Variants in LDHAL6A observed in about 807,000 individuals in gnomAD.
The protein encoded by LDHAL6A is lactate dehydrogenase A like 6A, also known as L-lactate dehydrogenase A-like 6A.
A neutral mutation model predicts 28.2 loss-of-function variants in LDHAL6A; 19 were observed. The observed-to-expected ratio is 0.67, with a 90% CI of 0.47 to 0.99. The LOEUF (loss-of-function observed/expected upper bound fraction) is 0.99, where lower values mean the gene tolerates loss of function less well. Ranked by LOEUF, LDHAL6A falls within the 50% of genes least tolerant of loss-of-function variation. The pLI, the probability that LDHAL6A is intolerant of heterozygous loss-of-function variation, is 0.00. For synonymous variants in LDHAL6A, 144 were observed against 134.4 expected (o/e 1.07, Z -0.49); for missense variants, 372 against 398.6 (o/e 0.93, Z 0.57).
chr11:18,476,525 C>A, intron 5 of LDHAL6A, 24 bp downstream of exon 5: 1 of 1,610,686 alleles, frequency 6.2e-7, no homozygotes. Context: ...TTCACATTTT[C>A]AGTACCTTAG....
At chr11:18,469,171 T>C (rs1849197549) in intron 3 of LDHAL6A, 1 of 631,534 alleles carries the variant, frequency 1.6e-6, no homozygotes, top group African/African-American at 1.9e-5. Context: ...TGAAGGCACC[T>C]GGTGGAGCTC....
At chr11:18,463,016 T>C (rs1177088183) in intron 1 of LDHAL6A, among the ~76,000 whole-genome samples, 3 of 151,998 alleles carry the variant, frequency 2.0e-5, no homozygotes, top group Non-Finnish European at 2.9e-5. Context: ...AGTAGCATCA[T>C]AGAAATTATA....
intron 5 of LDHAL6A, 79 bp downstream of exon 5, chr11:18,476,580 T>TAA (rs977908943): frequency 1.3e-6 from 2 of 1,525,684 alleles, no homozygotes; most frequent in Non-Finnish European, 1.8e-6. Context: ...ATTAGTCCCT[T>TAA]AAATATATGT....
chr11:18,464,109 T>G (rs1274813630), intron 2 of LDHAL6A, 31 bp downstream of exon 2: 18 of 1,336,232 alleles, frequency 1.3e-5, no homozygotes, highest in Non-Finnish European at 1.9e-5. Flanking sequence ...CTATAAATAT[T>G]CTAATATACA....
At chr11:18,474,210 C>T (rs1259451512) in intron 3 of LDHAL6A, among the ~76,000 whole-genome samples, 1 of 151,390 alleles carries the variant, frequency 6.6e-6, no homozygotes, top group Non-Finnish European at 1.5e-5. Flanking sequence ...TCCCAAGTAG[C>T]TGGGATTACA....
intron 3 of LDHAL6A, among the ~76,000 whole-genome samples, chr11:18,467,843 G>A: frequency 7.8e-6 from 1 of 127,854 alleles, no homozygotes; most frequent in Non-Finnish European, 1.6e-5. Flanking sequence ...GGGCAACAGG[G>A]CAAGACTGTC....
In LDHAL6A at chr11:18,479,573, T is replaced by A. The variant is rs977540786; in HGVS notation, c.*703T>A. The A allele has an allele frequency of 6.6e-6, 1 of 152,074 alleles. No individual in the cohort carries two copies. Among genetic ancestry groups the A allele is most frequent in the Non-Finnish European group, 1.5e-5 (1 of 68,026 alleles). The allele number at this position is 152,074 out of a possible 1,614,324, so 9.4% of individuals were successfully genotyped here. On this transcript the variant is annotated 3_prime_UTR_variant, in exon 7 of 7. Transcript: ENST00000280706. ...CACACACAGAGAGTAATCTAAATGT[T>A]CCTAACACTAGATAAAACATTGATT... is the stretch of plus-strand genomic sequence containing the variant.
At chr11:18,469,278 G>C in intron 3 of LDHAL6A, 1 of 547,958 alleles carries the variant, frequency 1.8e-6, no homozygotes, top group East Asian at 3.2e-5. Flanking sequence ...AACCTACTTT[G>C]ATTTGCACTA....
At chr11:18,457,746 A>G (rs1848794335) in intron 1 of LDHAL6A, among the ~76,000 whole-genome samples, 1 of 152,162 alleles carries the variant, frequency 6.6e-6, no homozygotes, top group African/African-American at 2.4e-5. Flanking sequence ...CGTATTGCCC[A>G]GGCTGCTCTC....
At chr11:18,463,648 A>C (rs2133868204) in intron 1 of LDHAL6A, among the ~76,000 whole-genome samples, 1 of 152,324 alleles carries the variant, frequency 6.6e-6, no homozygotes, top group Middle Eastern at 3.4e-3. Flanking sequence ...CAGCAGAAGC[A>C]CTACTTTATC....
chr11:18,471,480 GA>G (rs1413605261), intron 3 of LDHAL6A, among the ~76,000 whole-genome samples: 1 of 151,804 alleles, frequency 6.6e-6, no homozygotes, highest in Non-Finnish European at 1.5e-5. Context: ...GAAGTGCTGG[GA>G]TTACAGACGT....
intron 3 of LDHAL6A, among the ~76,000 whole-genome samples, chr11:18,471,124 C>A (rs993397642): frequency 1.3e-5 from 2 of 151,420 alleles, no homozygotes; most frequent in Non-Finnish European, 2.9e-5. Flanking sequence ...GTAAGGGTTT[C>A]TTATTTATGT....
At chr11:18,460,490 G>A (rs1318522475) in intron 1 of LDHAL6A, among the ~76,000 whole-genome samples, 2 of 151,408 alleles carry the variant, frequency 1.3e-5, no homozygotes, top group East Asian at 3.9e-4. Flanking sequence ...CTACTTGGGA[G>A]GCTAAGGCAG....
chr11:18,455,867 CACACCT>C lies in LDHAL6A; in HGVS notation c.-813_-808del, dbSNP rs1848738007. On this transcript the variant is annotated 5_prime_UTR_variant, in exon 1 of 7. Transcript: ENST00000280706. ...GTGCTTCGCAGCCCGCTTCCGGCCT[CACACCT>C]GCCAAGCATCACACCTGCCAAGCAT... 3.1e-4 allele frequency: 1 copy of C among 3,216 alleles called. No individual in the cohort carries two copies. Among genetic ancestry groups the C allele is most frequent in the African/African-American group, 1.2e-3 (1 of 840 alleles). 0.2% of individuals were successfully genotyped at this position (3,216 alleles called of 1,614,324 possible).
intron 3 of LDHAL6A, among the ~76,000 whole-genome samples, chr11:18,466,327 A>C (rs1448819402): frequency 2.6e-5 from 4 of 152,128 alleles, no homozygotes; most frequent in Non-Finnish European, 5.9e-5. Context: ...GCACAGTGGT[A>C]ATCAGTGTAT....
intron 1 of LDHAL6A, 107 bp downstream of exon 1, chr11:18,456,913 T>G: frequency 8.5e-7 from 1 of 1,178,536 alleles, no homozygotes; most frequent in Non-Finnish European, 1.2e-6. Context: ...GGGGAGCCAG[T>G]GTGAGGGGCA....
At chr11:18,464,206 C>T (rs1315476924) in intron 2 of LDHAL6A, 128 bp downstream of exon 2, 1 of 616,142 alleles carries the variant, frequency 1.6e-6, no homozygotes, top group Non-Finnish European at 2.9e-6. Flanking sequence ...ACTCTGTACT[C>T]TCATAACGTG....
chr11:18,475,673 T>C, intron 4 of LDHAL6A, 34 bp downstream of exon 4: 2 of 1,569,202 alleles, frequency 1.3e-6, no homozygotes, highest in Non-Finnish European at 1.7e-6. Context: ...CTCTGAAATA[T>C]CTATTTCCTA....
At position 18,476,458 on chromosome 11, in the gene LDHAL6A, G is replaced by T; in HGVS notation, c.667G>T (p.Asp223Tyr). ...GAACCCAGATATAGGAACTGATAAAGATCCTGAGCAGTGGGAAAATGTCCA... is the reference window on the plus strand; with the variant it reads ...GAACCCAGATATAGGAACTGATAAATATCCTGAGCAGTGGGAAAATGTCCA... ...DLNPDIGTDK[D>Y]PEQWENVHKK... Residue 223 changes from aspartate to tyrosine, a missense_variant, in exon 5 of 7, where the codon GAT (aspartate) becomes TAT (tyrosine). Asp to Tyr is a radical substitution (Grantham distance 160). This residue lies in a region of LDHAL6A where 291 missense variants were observed against 302.9 expected (regional missense o/e 0.96). Transcript: ENST00000280706. 1.9e-6 allele frequency: 3 copies of T among 1,614,134 alleles called. No homozygotes were observed. The highest frequency in any genetic ancestry group is 2.5e-6 in the Non-Finnish European group (3 of 1,180,004).
Sources: allele counts gnomAD v4.1 joint callset (sites outside exome capture counted in the v4.1 genomes callset), GRCh38; gene constraint gnomAD v4.1.1; regional missense constraint gnomAD v4.1.1; transcripts MANE v1.5; gene names NCBI Gene and HGNC (gene_info 2026-07-23, HGNC 2026-07-21).